Variants in EFCAB8 observed in about 807,000 individuals in gnomAD.
EFCAB8 encodes EF-hand calcium binding domain 8, also known as EF-hand calcium-binding domain-containing protein 8.
A neutral mutation model predicts 116.3 loss-of-function variants in EFCAB8; 100 were observed. That is an observed-to-expected ratio of 0.86 (90% CI 0.73 to 1.02). EFCAB8 has a LOEUF of 1.02. Among genes scored for constraint, EFCAB8 ranks in the 50% least tolerant of loss-of-function variants. The probability of loss-of-function intolerance (pLI) is 0.00; values close to 1 mark genes in which losing one functional copy is unlikely to be tolerated. For missense variants in EFCAB8, 1,320 were observed against 1,416.9 expected (o/e 0.93, Z 1.10); for synonymous variants, 558 against 567.9 (o/e 0.98, Z 0.25).
chr20:32,903,149 A>G (rs1033318872), intron 11 of EFCAB8, among the ~76,000 whole-genome samples: 1 of 152,130 alleles, frequency 6.6e-6, no homozygotes, highest in Non-Finnish European at 1.5e-5. Flanking sequence ...GGCCCTGCCC[A>G]TCTCGCCCAT....
rs551534172 is a variant in EFCAB8 at position 32,941,183 on chromosome 20, C to T, written c.2791-2453C>T. Among the ~76,000 whole-genome samples the T allele has an allele frequency of 8.8e-5, 13 of 148,272 alleles. 1 individual carries two copies. Among genetic ancestry groups the T allele is most frequent in the Admixed American group, 3.3e-4 (5 of 14,970 alleles). On this transcript the variant is annotated intron_variant, in intron 22 of 26. Coordinates refer to ENST00000400522, the MANE Select transcript of EFCAB8 (RefSeq NM_001143967.2). Reference sequence around the variant, plus strand: ...AGGAGAATCGCTTGAACCTGGGAGGCGGAGGTTGCAGTGAGCAGAGATCAT... The same window carrying T: ...AGGAGAATCGCTTGAACCTGGGAGGTGGAGGTTGCAGTGAGCAGAGATCAT...
At chr20:32,949,372 C>G (rs969908554) in intron 23 of EFCAB8, among the ~76,000 whole-genome samples, 1 of 152,142 alleles carries the variant, frequency 6.6e-6, no homozygotes, top group Non-Finnish European at 1.5e-5. Flanking sequence ...AACTGAAATA[C>G]CAATCAATAT....
intron 17 of EFCAB8, among the ~76,000 whole-genome samples, chr20:32,913,572 TCTTAA>T: frequency 6.6e-6 from 1 of 152,278 alleles, no homozygotes; most frequent in Admixed American, 6.5e-5. Context: ...AGCCCAAAAG[TCTTAA>T]CTTGTTCCAG....
intron 13 of EFCAB8, 35 bp downstream of exon 13, chr20:32,907,029 C>A (rs750135909): frequency 7.4e-6 from 11 of 1,477,268 alleles, no homozygotes; most frequent in Non-Finnish European, 9.9e-6. Flanking sequence ...TCCTTCTGTT[C>A]CTCAGGGAAA....
chr20:32,887,825 A>G (rs1446087656), intron 6 of EFCAB8, among the ~76,000 whole-genome samples: 2 of 152,228 alleles, frequency 1.3e-5, no homozygotes, highest in African/African-American at 2.4e-5. Flanking sequence ...ACCACCCTCA[A>G]TGCTTCAACT....
chr20:32,941,226 TG>T (rs1831789331), intron 22 of EFCAB8, among the ~76,000 whole-genome samples: 2 of 146,424 alleles, frequency 1.4e-5, no homozygotes, highest in Non-Finnish European at 3.0e-5. Context: ...CGTTCCAGTC[TG>T]GGCAACAAGA....
At chr20:32,926,759 T>C (rs1212900253) in intron 20 of EFCAB8, among the ~76,000 whole-genome samples, 1 of 142,878 alleles carries the variant, frequency 7.0e-6, no homozygotes, top group Admixed American at 7.2e-5. Context: ...GAATATGCGG[T>C]GTTTGGTTTT....
At chr20:32,946,319 A>G (rs1295320353) in intron 23 of EFCAB8, among the ~76,000 whole-genome samples, 2 of 152,322 alleles carry the variant, frequency 1.3e-5, no homozygotes, top group East Asian at 1.9e-4. Flanking sequence ...TTCCTTCCCA[A>G]TCTGCTTCAC....
At chr20:32,879,436 C>A (rs936152368) in intron 5 of EFCAB8, among the ~76,000 whole-genome samples, 1 of 152,232 alleles carries the variant, frequency 6.6e-6, no homozygotes, top group African/African-American at 2.4e-5. Flanking sequence ...CCTTGCTTTG[C>A]AGGGGAGGAA....
intron 11 of EFCAB8, among the ~76,000 whole-genome samples, chr20:32,899,359 T>G (rs1204487547): frequency 6.9e-6 from 1 of 145,816 alleles, no homozygotes; most frequent in Non-Finnish European, 1.5e-5. Flanking sequence ...GAGCCGAGAT[T>G]GCGCCACTGC....
intron 2 of EFCAB8, among the ~76,000 whole-genome samples, chr20:32,865,625 C>G (rs1035549321): frequency 2.0e-5 from 3 of 151,914 alleles, no homozygotes; most frequent in Admixed American, 2.0e-4. Context: ...TGGTGAAACC[C>G]TGTCTCTACT....
intron 20 of EFCAB8, among the ~76,000 whole-genome samples, chr20:32,927,105 AT>A (rs1353034895): frequency 6.6e-6 from 1 of 152,194 alleles, no homozygotes; most frequent in African/African-American, 2.4e-5. Flanking sequence ...AATGCACAAA[AT>A]TATAAAAAAT....
intron 1 of EFCAB8, among the ~76,000 whole-genome samples, chr20:32,859,576 A>G (rs973652435): frequency 1.3e-5 from 2 of 152,250 alleles, no homozygotes; most frequent in Non-Finnish European, 2.9e-5. Context: ...ATCTTACAAA[A>G]TATTTAGTTT....
At chr20:32,911,106 C>T (rs1986898283) in intron 15 of EFCAB8, among the ~76,000 whole-genome samples, 1 of 152,114 alleles carries the variant, frequency 6.6e-6, no homozygotes, top group Non-Finnish European at 1.5e-5. Context: ...GCATGGCTGT[C>T]CTTATTCTCA....
intron 22 of EFCAB8, among the ~76,000 whole-genome samples, chr20:32,937,649 C>T (rs1157045249): frequency 6.6e-6 from 1 of 152,008 alleles, no homozygotes; most frequent in Non-Finnish European, 1.5e-5. Context: ...GACAGAGTCT[C>T]ACTCTATTGC....
In EFCAB8 at chr20:32,958,456, G is replaced by A; in HGVS notation, c.2995G>A (p.Asp999Asn). The part of the protein sequence containing the change: ...FGLSVWKRLQ[D>N]ACDGPRENRA... ...CCTGAGTGTGTGGAAAAGACTACAG[G>A]ATGCCTGTGATGGTCCTCGTGAAAA... Residue 999 changes from aspartate to asparagine, a missense_variant, in exon 24 of 27, where the codon GAT (aspartate) becomes AAT (asparagine). Physicochemically the swap from Asp to Asn is conservative, Grantham distance 23. Coordinates refer to ENST00000400522, the MANE Select transcript of EFCAB8 (RefSeq NM_001143967.2). The A allele has an allele frequency of 2.4e-6, 1 of 416,918 alleles. No homozygotes were observed. The highest frequency in any genetic ancestry group is 4.4e-6 in the Non-Finnish European group (1 of 226,418). 25.8% of individuals were successfully genotyped at this position (416,918 alleles called of 1,614,324 possible).
At chr20:32,914,815 G>A (rs1290888067) in intron 17 of EFCAB8, among the ~76,000 whole-genome samples, 1 of 152,154 alleles carries the variant, frequency 6.6e-6, no homozygotes, top group Non-Finnish European at 1.5e-5. Context: ...GGGACACAGA[G>A]CCAAACCATA....
rs576785561 is a variant in EFCAB8, at chr20:32,959,854, A to G, written c.3166A>G (p.Lys1056Glu). 5.2e-5 allele frequency: 80 copies of G among 1,549,798 alleles called. No homozygotes were observed. In the African/African-American group the frequency reaches 1.1e-3, roughly 20 times the overall value. Residue 1056 changes from lysine (K) to glutamate (E), a missense_variant, in exon 25 of 27, where the codon AAG becomes GAG. Physicochemically the swap from Lys to Glu is moderately conservative, Grantham distance 56. Coordinates refer to ENST00000400522, the MANE Select transcript of EFCAB8 (RefSeq NM_001143967.2). ...QAALMALLHG[K>E]ADKEADTWAK... ...GGCGCTGATGGCTCTCCTGCATGGGAAGGCAGATAAGGAGGCAGACACTTG... is the reference window on the plus strand; with the variant it reads ...GGCGCTGATGGCTCTCCTGCATGGGGAGGCAGATAAGGAGGCAGACACTTG...
At chr20:32,887,384 T>C (rs914559607) in intron 6 of EFCAB8, among the ~76,000 whole-genome samples, 1 of 152,186 alleles carries the variant, frequency 6.6e-6, no homozygotes, top group Non-Finnish European at 1.5e-5. Flanking sequence ...GAGACCAGAC[T>C]GGCCACCATG....
Sources: allele counts gnomAD v4.1 joint callset (sites outside exome capture counted in the v4.1 genomes callset), GRCh38; gene constraint gnomAD v4.1.1; transcripts MANE v1.5; gene names NCBI Gene and HGNC (gene_info 2026-07-23, HGNC 2026-07-21).